SLC2A13: variants seen among roughly 807,000 people sequenced by gnomAD.
SLC2A13 encodes solute carrier family 2 member 13, also known as proton myo-inositol cotransporter.
SLC2A13 carries 32 observed loss-of-function variants against 64.4 expected under a neutral mutation model. The ratio of observed to expected loss-of-function variants is 0.50; its 90% CI spans 0.37 to 0.67. The LOEUF is 0.67. Among genes scored for constraint, SLC2A13 ranks in the 30% least tolerant of loss-of-function variants. SLC2A13 has a pLI of 0.00. For missense variants in SLC2A13, 743 were observed against 829.2 expected, an observed-to-expected ratio of 0.90 and a Z score of 1.28; for synonymous variants, 338 against 327.1, an observed-to-expected ratio of 1.03 and a Z score of -0.36.
At chr12:39,998,064 T>G (rs1376213565) in intron 3 of SLC2A13, among the ~76,000 whole-genome samples, 1 of 152,124 alleles carries the variant, frequency 6.6e-6, no homozygotes, top group Admixed American at 6.6e-5. Flanking sequence ...AAAAGATACT[T>G]GCACACGCAC....
chr12:39,825,826 C>T (rs529567313), intron 7 of SLC2A13, among the ~76,000 whole-genome samples: 2 of 152,242 alleles, frequency 1.3e-5, no homozygotes, highest in South Asian at 4.1e-4. Flanking sequence ...GCTAACTCTA[C>T]AGGCTTACTC....
chr12:39,886,508 A>C (rs1361919802), intron 4 of SLC2A13, among the ~76,000 whole-genome samples: 5 of 152,188 alleles, frequency 3.3e-5, no homozygotes, highest in African/African-American at 4.8e-5. Context: ...GGGGTACTAC[A>C]TGACATTCAT....
chr12:39,759,241 A>G lies in SLC2A13; in HGVS notation c.*785T>C, dbSNP rs1013577769. On this transcript the variant is annotated 3_prime_UTR_variant, in exon 10 of 10. Transcript: ENST00000280871. The stretch of plus-strand genomic sequence containing the variant: ...AGTGACTAACCAATTTGGAACCCAT[A>G]AAAACCTTTAATCTGTTACTTTCTG... The G allele has an allele frequency of 6.6e-6, 1 of 152,346 alleles. No homozygotes were observed. 9.4% of individuals were successfully genotyped at this position (152,346 alleles called of 1,614,324 possible).
At chr12:39,769,625 C>A (rs188115695) in intron 7 of SLC2A13, among the ~76,000 whole-genome samples, 1 of 152,102 alleles carries the variant, frequency 6.6e-6, no homozygotes, top group Admixed American at 6.6e-5. Context: ...AGTGTTCTTG[C>A]ATCTCATTCT....
intron 6 of SLC2A13, among the ~76,000 whole-genome samples, chr12:39,859,320 T>TG (rs1441171528): frequency 8.0e-6 from 1 of 125,744 alleles, no homozygotes; most frequent in Non-Finnish European, 1.6e-5. Flanking sequence ...CTGGCAGTTT[T>TG]TTTTTTTTTT....
chr12:39,908,446 C>G (rs1334869872), intron 4 of SLC2A13: 1 of 151,810 alleles, frequency 6.6e-6, no homozygotes, highest in Non-Finnish European at 1.5e-5. Context: ...GTTATGAGTA[C>G]AGAGGAAACT....
At chr12:39,766,426 T>C (rs1234535992) in intron 7 of SLC2A13, among the ~76,000 whole-genome samples, 1 of 152,054 alleles carries the variant, frequency 6.6e-6, no homozygotes, top group African/African-American at 2.4e-5. Context: ...ATGCTAACGA[T>C]CATCTGCACC....
In SLC2A13 at chr12:39,908,869, G is replaced by T. The variant is rs980608414; in HGVS notation, c.1035-36908C>A. On this transcript the variant is annotated intron_variant, in intron 4 of 9. Coordinates refer to ENST00000280871, the MANE Select transcript of SLC2A13 (RefSeq NM_052885.4). ...TGAGGAAGATGGAAGGCAACTCTAT[G>T]GGGCAATTCAGAACGGGCACTTAGC... Among the ~76,000 whole-genome samples the T allele has an allele frequency of 2.0e-5, 3 of 151,996 alleles. 1 individual carries two copies. Among genetic ancestry groups the T allele is most frequent in the African/African-American group, 7.3e-5 (3 of 41,328 alleles).
rs144996120 is a variant in SLC2A13 at position 40,056,016 on chromosome 12, A to C, written c.557-7806T>G. Among the ~76,000 whole-genome samples the C allele has an allele frequency of 1.6e-4, 25 of 151,932 alleles. No homozygotes were observed. The East Asian group carries it at 4.4e-3, about 27-fold the overall frequency. ...AAAAAAAAAACAAAACAAACAACAA[A>C]AAAAAACACCAGCCAAACAAAACAC... On this transcript the variant is annotated intron_variant, in intron 1 of 9. Transcript: ENST00000280871.
At chr12:40,073,075 A>C (rs1319109194) in intron 1 of SLC2A13, among the ~76,000 whole-genome samples, 1 of 152,084 alleles carries the variant, frequency 6.6e-6, no homozygotes, top group Non-Finnish European at 1.5e-5. Context: ...ATTTACAACT[A>C]ATTCAGGTCC....
At chr12:39,830,578 A>G in intron 6 of SLC2A13, 1 of 727,820 alleles carries the variant, frequency 1.4e-6, no homozygotes, top group South Asian at 5.4e-5. Flanking sequence ...CCTCATTGTG[A>G]TCCAGCCCTG....
At chr12:39,894,458 C>T (rs1296708806) in intron 4 of SLC2A13, among the ~76,000 whole-genome samples, 2 of 152,140 alleles carry the variant, frequency 1.3e-5, no homozygotes, top group African/African-American at 2.4e-5. Flanking sequence ...AAAGGACTTA[C>T]TCAATATAAA....
At chr12:39,905,796 G>T in intron 4 of SLC2A13, among the ~76,000 whole-genome samples, 1 of 142,972 alleles carries the variant, frequency 7.0e-6, no homozygotes, top group African/African-American at 2.6e-5. Flanking sequence ...CCTTCAAAAG[G>T]TACTAGGCCT....
chr12:39,950,097 A>G (rs1946202202), intron 4 of SLC2A13: 1 of 152,222 alleles, frequency 6.6e-6, no homozygotes, highest in Non-Finnish European at 1.5e-5. Context: ...CAAATCCACA[A>G]AGTGTGTGAA....
At chr12:39,875,785 T>C (rs573069935) in intron 4 of SLC2A13, among the ~76,000 whole-genome samples, 23 of 152,320 alleles carry the variant, frequency 1.5e-4, no homozygotes, top group African/African-American at 4.8e-4. Context: ...TACATTTAAC[T>C]TACAATTACA....
At chr12:40,046,182 A>G (rs1389299029) in intron 2 of SLC2A13, among the ~76,000 whole-genome samples, 2 of 152,192 alleles carry the variant, frequency 1.3e-5, no homozygotes, top group Admixed American at 1.3e-4. Flanking sequence ...TGAAGCTCAG[A>G]GGGGCTAAAT....
chr12:39,859,316 GT>G lies in SLC2A13; in HGVS notation c.1319+5445del, dbSNP rs34195780. Reference sequence around the variant, plus strand: ...AAAAGAAAAAGAAAGAAAGCTGGCAGTTTTTTTTTTTTTTCTGAAAAAAAAA... The same window carrying G: ...AAAAGAAAAAGAAAGAAAGCTGGCAGTTTTTTTTTTTTTCTGAAAAAAAAA... On this transcript the variant is annotated intron_variant, in intron 6 of 9. Transcript: ENST00000280871. 3.8e-3 allele frequency among the ~76,000 whole-genome samples: 354 copies of G among 94,322 alleles called. 3 individuals are homozygous for G. Among genetic ancestry groups the G allele is most frequent in the African/African-American group, 0.013 (310 of 23,688 alleles). The allele number at this position is 94,322 out of a possible 152,430, so 61.9% of individuals were successfully genotyped here.
At chr12:40,003,854 G>A (rs1038309742) in intron 3 of SLC2A13, among the ~76,000 whole-genome samples, 21 of 151,822 alleles carry the variant, frequency 1.4e-4, no homozygotes, top group Admixed American at 7.2e-4. Context: ...TTAGCTGGGC[G>A]TGGTGACGGG....
intron 3 of SLC2A13, among the ~76,000 whole-genome samples, chr12:39,975,445 GT>G (rs751498257): frequency 6.6e-6 from 1 of 152,178 alleles, no homozygotes; most frequent in Non-Finnish European, 1.5e-5. Context: ...GTGTAATAAG[GT>G]TTGTTCAGTG....
Sources: allele counts gnomAD v4.1 joint callset (sites outside exome capture counted in the v4.1 genomes callset), GRCh38; gene constraint gnomAD v4.1.1; transcripts MANE v1.5; gene names NCBI Gene and HGNC (gene_info 2026-07-23, HGNC 2026-07-21).